The following RANGAP1 variants were observed in gnomAD, a reference collection of about 807,000 sequenced individuals.
RANGAP1 encodes ran GTPase-activating protein 1.
A neutral mutation model predicts 63.5 loss-of-function variants in RANGAP1; 38 were observed. That is an observed-to-expected ratio of 0.60 (90% CI 0.46 to 0.78). RANGAP1 has a LOEUF of 0.78. Ranked by LOEUF, RANGAP1 falls within the 30% of genes least tolerant of loss-of-function variation. RANGAP1 has a pLI of 0.00. For synonymous variants in RANGAP1, 329 were observed against 310.5 expected, an observed-to-expected ratio of 1.06 and a Z score of -0.63; for missense variants, 630 against 740.3, an observed-to-expected ratio of 0.85 and a Z score of 1.73.
the RANGAP1 span, among the ~76,000 whole-genome samples, chr22:41,294,736 C>T: frequency 2.1e-5 from 3 of 140,242 alleles, no homozygotes; most frequent in Non-Finnish European, 3.1e-5. Context: ...CGTCTCTGCC[C>T]GGCCGCCCCA....
At chr22:41,246,821 G>A (rs1400883564) in intron 15 of RANGAP1, 149 bp from the exon 16 acceptor site, 13 of 742,334 alleles carry the variant, frequency 1.8e-5, no homozygotes, top group Non-Finnish European at 2.9e-5. Context: ...TGCACACCGT[G>A]GGTGGGGATG....
At chr22:41,273,766 CAAAAAAAAAAAAA>C (rs71200678) in intron 3 of RANGAP1, among the ~76,000 whole-genome samples, 4 of 24,356 alleles carry the variant, frequency 1.6e-4, no homozygotes, top group East Asian at 1.6e-3. Flanking sequence ...GACTCCATCT[CAAAAAAAAAAAAA>C]AAAAAAAAAA....
intron 11 of RANGAP1, among the ~76,000 whole-genome samples, chr22:41,253,813 A>G (rs1168819477): frequency 6.6e-6 from 1 of 152,254 alleles, no homozygotes; most frequent in African/African-American, 2.4e-5. Flanking sequence ...AAATAGAAAT[A>G]TAGGTAACTA....
intron 10 of RANGAP1, 134 bp downstream of exon 10, chr22:41,255,887 G>A: frequency 4.6e-6 from 4 of 861,912 alleles, no homozygotes; most frequent in Non-Finnish European, 7.1e-6. Context: ...CCAGGAGGTG[G>A]AAGCTGCAGT....
intron 3 of RANGAP1, among the ~76,000 whole-genome samples, chr22:41,272,389 T>C (rs1279926216): frequency 2.6e-5 from 4 of 152,162 alleles, no homozygotes; most frequent in Non-Finnish European, 5.9e-5. Flanking sequence ...CTTTGTAAAC[T>C]AGTTTGCAGG....
chr22:41,293,722 T>G, the RANGAP1 span, among the ~76,000 whole-genome samples: 2 of 125,534 alleles, frequency 1.6e-5, no homozygotes, highest in African/African-American at 3.3e-5. Context: ...GAGCTTGCAG[T>G]AAGCCGAGAT....
At position 41,254,694 on chromosome 22, in the gene RANGAP1, C is replaced by T. The variant is rs909512118; in HGVS notation, c.1074-200G>A. 3.8e-5 allele frequency: 37 copies of T among 970,748 alleles called. No individual in the cohort carries two copies. The South Asian group carries it at 3.8e-4, about 10-fold the overall frequency. The allele number at this position is 970,748 out of a possible 1,614,324, so 60.1% of individuals were successfully genotyped here. A position where few individuals can be genotyped will look rare whatever the true frequency, so the allele number is the denominator to read the frequency against. ...GTGGACACAAAAAAATAAGATCGGC[C>T]CGGCGCGGTGGCTCATGCCTGTAAT... On this transcript the variant is annotated intron_variant, in intron 10 of 15. Coordinates refer to ENST00000356244, the MANE Select transcript of RANGAP1 (RefSeq NM_002883.4).
chr22:41,254,494 A>G lies in RANGAP1; in HGVS notation c.1074T>C (p.Ser358=). 1.3e-6 allele frequency: 2 copies of G among 1,585,208 alleles called. No homozygotes were observed. Among genetic ancestry groups the G allele is most frequent in the Non-Finnish European group, 1.7e-6 (2 of 1,170,520 alleles). Residue 358 remains serine (S), a splice_region_variant and synonymous_variant, in exon 11 of 16, where the codon AGT becomes AGC. Transcript: ENST00000356244. ...CCTCCTCCTCCTCGTCCTCGTCATC[A>G]CTGCAGAAAGAGCTGGCTGAAGCAG... The part of the protein sequence containing the change: ...FNMAKVLASL[S]DDEDEEEEEE...
upstream of RANGAP1, among the ~76,000 whole-genome samples, chr22:41,288,262 G>A (rs1293185800): frequency 1.3e-5 from 2 of 152,174 alleles, no homozygotes; most frequent in Non-Finnish European, 2.9e-5. Context: ...GGTGCCCACA[G>A]CAAGATGCAA....
At chr22:41,289,286 G>T (rs2035809798), upstream of RANGAP1, among the ~76,000 whole-genome samples, 1 of 152,012 alleles carries the variant, frequency 6.6e-6, no homozygotes, top group Admixed American at 6.6e-5. Flanking sequence ...GGAACAGGGG[G>T]TTTGCCCAAG....
chr22:41,259,951 G>C (rs1412999848), intron 6 of RANGAP1, among the ~76,000 whole-genome samples: 1 of 152,064 alleles, frequency 6.6e-6, no homozygotes, highest in African/African-American at 2.4e-5. Flanking sequence ...AACTGCAGTG[G>C]GCTGAGATTG....
intron 6 of RANGAP1, among the ~76,000 whole-genome samples, chr22:41,259,995 G>A (rs932519362): frequency 2.0e-5 from 3 of 149,586 alleles, no homozygotes; most frequent in South Asian, 4.2e-4. Flanking sequence ...AACAGAGCGA[G>A]ACCCTGCCTC....
chr22:41,255,181 A>G (rs751701228), intron 10 of RANGAP1, among the ~76,000 whole-genome samples: 23 of 152,172 alleles, frequency 1.5e-4, no homozygotes, highest in Middle Eastern at 3.4e-3. Flanking sequence ...TGGGGGAGGA[A>G]GAAGAGTAGG....
chr22:41,248,034 C>T (rs6002299), intron 15 of RANGAP1, among the ~76,000 whole-genome samples: 19 of 152,328 alleles, frequency 1.2e-4, no homozygotes, highest in African/African-American at 4.6e-4. Context: ...GGGAACTACT[C>T]TGACCAGGGG....
chr22:41,258,089 C>G lies in RANGAP1; in HGVS notation c.633G>C (p.Glu211Asp). ...TCCCATTCTGTGGCATGTGGACCTCCTCCAGGGTCCCGATGACCTGTGAAG... is the reference window on the plus strand; with the variant it reads ...TCCCATTCTGTGGCATGTGGACCTCGTCCAGGGTCCCGATGACCTGTGAAG... ...AEAFRVIGTLEEVHMPQNGIN... is the reference protein window; with the variant it reads ...AEAFRVIGTLDEVHMPQNGIN... The change falls in exon 7 of 16, where the codon GAG becomes GAC. Residue 211 changes from glutamate to aspartate, a missense_variant. Transcript: ENST00000356244. 6.2e-7 allele frequency: 1 copy of G among 1,609,892 alleles called. No homozygotes were observed. Among genetic ancestry groups the G allele is most frequent in the Non-Finnish European group, 8.5e-7 (1 of 1,177,348 alleles).
At chr22:41,287,785 G>C (rs1221261419), upstream of RANGAP1, among the ~76,000 whole-genome samples, 1 of 151,974 alleles carries the variant, frequency 6.6e-6, no homozygotes, top group Non-Finnish European at 1.5e-5. Flanking sequence ...TCAGGAGTTT[G>C]AGACCAGCCT....
At chr22:41,276,854 A>G (rs550251750) in intron 2 of RANGAP1, among the ~76,000 whole-genome samples, 58 of 151,380 alleles carry the variant, frequency 3.8e-4, no homozygotes, top group African/African-American at 1.4e-3. Flanking sequence ...ATGGTAGCGC[A>G]TGCCTGTAAT....
chr22:41,262,544 C>A (rs2034232088), intron 5 of RANGAP1, among the ~76,000 whole-genome samples: 1 of 152,198 alleles, frequency 6.6e-6, no homozygotes, highest in Non-Finnish European at 1.5e-5. Flanking sequence ...TTTAGCAAAG[C>A]CGCACATGGC....
intron 2 of RANGAP1, among the ~76,000 whole-genome samples, chr22:41,278,801 A>C (rs1203416413): frequency 6.6e-6 from 1 of 152,110 alleles, no homozygotes; most frequent in Admixed American, 6.6e-5. Flanking sequence ...AAGAATTCAA[A>C]ACCAGCCTGG....
Sources: allele counts gnomAD v4.1 joint callset (sites outside exome capture counted in the v4.1 genomes callset), GRCh38; gene constraint gnomAD v4.1.1; transcripts MANE v1.5; gene names NCBI Gene and HGNC (gene_info 2026-07-23, HGNC 2026-07-21).